Variants in ZNF492 observed in about 807,000 individuals in gnomAD.
ZNF492 encodes zinc finger protein 492, also known as zinc finger protein 115 (Y20).
A neutral mutation model predicts 6.4 loss-of-function variants in ZNF492; 3 were observed. The observed-to-expected ratio is 0.47, with a 90% CI of 0.21 to 1.22. The LOEUF (loss-of-function observed/expected upper bound fraction) is 1.22, where lower values mean the gene tolerates loss of function less well. Among genes scored for constraint, ZNF492 ranks in the 50% most tolerant of loss-of-function variants. The pLI is 0.22. For missense variants in ZNF492, 356 were observed against 612.5 expected (o/e 0.58, Z 4.42); for synonymous variants, 112 against 205.3 (o/e 0.55, Z 3.89).
chr19:22,636,647 T>C (rs879269877), intron 1 of ZNF492, among the ~76,000 whole-genome samples: 123 of 151,608 alleles, frequency 8.1e-4, no homozygotes, highest in Non-Finnish European at 1.3e-3. Flanking sequence ...TATTATTTTT[T>C]TTTTGAGATG....
intron 1 of ZNF492, among the ~76,000 whole-genome samples, chr19:22,643,501 G>A (rs1971849379): frequency 6.6e-6 from 1 of 152,128 alleles, no homozygotes; most frequent in African/African-American, 2.4e-5. Flanking sequence ...AATGAGCCTA[G>A]GGGGAGCATC....
At chr19:22,641,359 C>T (rs570530854) in intron 1 of ZNF492, among the ~76,000 whole-genome samples, 401 of 152,256 alleles carry the variant, frequency 2.6e-3, no homozygotes, top group African/African-American at 8.0e-3. Flanking sequence ...ATTATTTACC[C>T]AAAAGTAATT....
intron 1 of ZNF492, among the ~76,000 whole-genome samples, chr19:22,645,370 G>C (rs113332872): frequency 6.6e-6 from 1 of 151,650 alleles, no homozygotes; most frequent in Non-Finnish European, 1.5e-5. Context: ...TGATGGAATT[G>C]TTTTTTTTCT....
At chr19:22,662,202 T>G (rs1972066162) in intron 3 of ZNF492, among the ~76,000 whole-genome samples, 1 of 152,114 alleles carries the variant, frequency 6.6e-6, no homozygotes, top group Non-Finnish European at 1.5e-5. Flanking sequence ...TCTGTCCTTG[T>G]GATAGTGTGC....
rs1269215878 is a variant in ZNF492 at position 22,666,497 on chromosome 19, G to A, written c.*1232G>A. On this transcript the variant is annotated 3_prime_UTR_variant, in exon 4 of 4. Coordinates refer to ENST00000456783, the MANE Select transcript of ZNF492 (RefSeq NM_020855.3). ...TTAGCCACTGCGCCTGCCTGATGTT[G>A]TTTCTTTATTCCTATTGTATTCATA... 1 of 152,036 alleles carries A rather than the reference G, an allele frequency of 6.6e-6. No individual in the cohort carries two copies. The highest frequency in any genetic ancestry group is 2.4e-5 in the African/African-American group (1 of 41,422). 9.4% of individuals were successfully genotyped at this position (152,036 alleles called of 1,614,324 possible). A position where few individuals can be genotyped will look rare whatever the true frequency, so the allele number is the denominator to read the frequency against.
chr19:22,660,189 G>A (rs563051242), intron 3 of ZNF492, among the ~76,000 whole-genome samples: 39 of 152,046 alleles, frequency 2.6e-4, no homozygotes, highest in Admixed American at 2.4e-3. Context: ...AGAAAAAAAA[G>A]TTGGATCTTG....
At chr19:22,646,752 A>T (rs60021625) in intron 1 of ZNF492, among the ~76,000 whole-genome samples, 1 of 152,004 alleles carries the variant, frequency 6.6e-6, no homozygotes, top group Non-Finnish European at 1.5e-5. Flanking sequence ...ATCAAAGGCC[A>T]TTTCTGCATC....
chr19:22,660,344 T>C (rs527381292), intron 3 of ZNF492, among the ~76,000 whole-genome samples: 400 of 152,180 alleles, frequency 2.6e-3, no homozygotes, highest in African/African-American at 8.0e-3. Context: ...ATTTTCTCTC[T>C]TTGTGTCTTT....
intron 1 of ZNF492, among the ~76,000 whole-genome samples, chr19:22,648,224 C>G (rs1971904374): frequency 6.6e-6 from 1 of 152,128 alleles, no homozygotes; most frequent in Admixed American, 6.6e-5. Flanking sequence ...CATTCAGGAG[C>G]AGATTGTTCA....
intron 1 of ZNF492, among the ~76,000 whole-genome samples, chr19:22,649,001 C>T (rs969704641): frequency 1.3e-5 from 2 of 152,136 alleles, no homozygotes; most frequent in Non-Finnish European, 2.9e-5. Flanking sequence ...ATTTTGCACA[C>T]TAGTTGATGC....
At position 22,664,561 on chromosome 19, in the gene ZNF492, A is replaced by G. The variant is rs1972098170; in HGVS notation, c.892A>G (p.Thr298Ala). 1 of 1,593,950 alleles carries G rather than the reference A, an allele frequency of 6.3e-7. No homozygotes were observed. Among genetic ancestry groups the G allele is most frequent in the Non-Finnish European group, 8.5e-7 (1 of 1,170,642 alleles). ...TTTTAGCCAGTCCTCAACCCTTACT[A>G]CACATAAGATAATTCATACTGGAGA... is the stretch of plus-strand genomic sequence containing the variant. The part of the protein sequence containing the change: ...KAFSQSSTLT[T>A]HKIIHTGEKF... Residue 298 changes from threonine (T) to alanine (A), a missense_variant, in exon 4 of 4, where the codon ACA (threonine) becomes GCA (alanine). This residue lies in a region of ZNF492 where 29 missense variants were observed against 56.8 expected (regional missense o/e 0.51). Transcript: ENST00000456783.
At chr19:22,660,913 CTT>C (rs765100457) in intron 3 of ZNF492, among the ~76,000 whole-genome samples, 46 of 132,216 alleles carry the variant, frequency 3.5e-4, no homozygotes, top group South Asian at 1.7e-3. Context: ...AACTTGATAG[CTT>C]TTTTTTTTTT....
chr19:22,642,047 C>T (rs183566458), intron 1 of ZNF492, among the ~76,000 whole-genome samples: 37 of 152,240 alleles, frequency 2.4e-4, no homozygotes, highest in African/African-American at 8.9e-4. Context: ...CCCGCCTCAG[C>T]CTGCCAAAGT....
intron 1 of ZNF492, among the ~76,000 whole-genome samples, chr19:22,652,046 G>A (rs2145253302): frequency 6.6e-6 from 1 of 152,106 alleles, no homozygotes; most frequent in South Asian, 2.1e-4. Context: ...GTCCTTCTGT[G>A]TGCATCAGCA....
At chr19:22,640,529 T>G (rs1209057128) in intron 1 of ZNF492, among the ~76,000 whole-genome samples, 1 of 152,250 alleles carries the variant, frequency 6.6e-6, no homozygotes, top group African/African-American at 2.4e-5. Flanking sequence ...GTTAGGTTTT[T>G]GATGTCCTGC....
intron 1 of ZNF492, among the ~76,000 whole-genome samples, chr19:22,641,213 T>C (rs1387498785): frequency 6.6e-6 from 1 of 152,228 alleles, no homozygotes. Flanking sequence ...GAAGTCTTTC[T>C]AACTTTTCAA....
In ZNF492 at chr19:22,666,513, T is replaced by A. The variant is rs184175660; in HGVS notation, c.*1248T>A. The stretch of plus-strand genomic sequence containing the variant: ...CCTGATGTTGTTTCTTTATTCCTAT[T>A]GTATTCATATGTGAAAGCATGTGAC... On this transcript the variant is annotated 3_prime_UTR_variant, in exon 4 of 4. Transcript: ENST00000456783. 1.2e-3 allele frequency: 187 copies of A among 152,254 alleles called. No individual in the cohort carries two copies. The highest frequency in any genetic ancestry group is 4.0e-3 in the African/African-American group (168 of 41,556). 9.4% of individuals were successfully genotyped at this position (152,254 alleles called of 1,614,324 possible).
Position 22,662,258 on chromosome 19 carries a change from T to C in ZNF492, c.131-1542T>C, listed in dbSNP as rs554673926. 6.6e-5 allele frequency among the ~76,000 whole-genome samples: 10 copies of C among 152,344 alleles called. No homozygotes were observed. The East Asian group carries it at 1.9e-3, about 29-fold the overall frequency. On this transcript the variant is annotated intron_variant, in intron 3 of 3. Coordinates refer to ENST00000456783, the MANE Select transcript of ZNF492 (RefSeq NM_020855.3). ...TTCATCCATGTCCCTGCAAAGGACA[T>C]GAACTCATCCTTTTTCATGAATGCA...
intron 1 of ZNF492, among the ~76,000 whole-genome samples, chr19:22,652,221 C>CTATTTTTTT (rs1971946711): frequency 9.5e-6 from 1 of 105,508 alleles, no homozygotes; most frequent in Non-Finnish European, 1.7e-5. Flanking sequence ...CTTTCTTAGG[C>CTATTTTTTT]TTTTTTTTTT....
Sources: gnomAD v4.1 joint callset for allele counts (sites outside exome capture counted in the v4.1 genomes callset) on GRCh38, gnomAD v4.1.1 for gene constraint, gnomAD v4.1.1 regional missense constraint, MANE v1.5 for transcripts, NCBI Gene and HGNC (gene_info 2026-07-23, HGNC 2026-07-21) for gene names.